Variants in RHOU observed in about 807,000 individuals in gnomAD.
RHOU encodes ras homolog family member U.
RHOU carries 8 observed loss-of-function variants against 12.6 expected under a neutral mutation model. The observed-to-expected ratio is 0.64, with a 90% CI of 0.37 to 1.15. RHOU has a LOEUF of 1.15. Among genes scored for constraint, RHOU ranks in the 50% most tolerant of loss-of-function variants. The probability of loss-of-function intolerance (pLI) is 0.01; values close to 1 mark genes in which losing one functional copy is unlikely to be tolerated. For synonymous variants in RHOU, 161 were observed against 147.4 expected (o/e 1.09, Z -0.67); for missense variants, 258 against 347.0 (o/e 0.74, Z 2.04).
chr1:228,717,875 C>T, the RHOU span, among the ~76,000 whole-genome samples: 1 of 152,184 alleles, frequency 6.6e-6, no homozygotes, highest in East Asian at 1.9e-4. Flanking sequence ...ATCAGAAGAA[C>T]TGGACACAAT....
chr1:228,676,653 A>C, the RHOU span, among the ~76,000 whole-genome samples: 1 of 152,180 alleles, frequency 6.6e-6, no homozygotes, highest in Non-Finnish European at 1.5e-5. Context: ...CTGAGTCTGA[A>C]AAGAGAGTCA....
chr1:228,680,447 C>T, the RHOU span, among the ~76,000 whole-genome samples: 1 of 152,122 alleles, frequency 6.6e-6, no homozygotes, highest in Non-Finnish European at 1.5e-5. Context: ...GGAGCTGTGG[C>T]TTGGATGTTC....
At position 228,735,727 on chromosome 1, in the gene RHOU, C is replaced by A; in HGVS notation, c.-16C>A. On this transcript the variant is annotated 5_prime_UTR_variant, in exon 1 of 3. Coordinates refer to ENST00000366691, the MANE Select transcript of RHOU (RefSeq NM_021205.6). The surrounding 1 kb of genome is among the most constrained non-coding windows in gnomAD (Gnocchi z 8.1). ...GCCCTGCTAGCCCGCGACCGCAAGC[C>A]CGCGCTCGCGGATCGATGCCCCCGC... is the stretch of plus-strand genomic sequence containing the variant. 8.3e-7 allele frequency: 1 copy of A among 1,202,804 alleles called. No homozygotes were observed. Among genetic ancestry groups the A allele is most frequent in the South Asian group, 4.1e-5 (1 of 24,108 alleles). 74.5% of individuals were successfully genotyped at this position (1,202,804 alleles called of 1,614,324 possible). A position where few individuals can be genotyped will look rare whatever the true frequency, so the allele number is the denominator to read the frequency against.
At chr1:228,692,023 A>G in the RHOU span, among the ~76,000 whole-genome samples, 1 of 152,230 alleles carries the variant, frequency 6.6e-6, no homozygotes, top group African/African-American at 2.4e-5. Flanking sequence ...GAGACCTTCA[A>G]AAATGCAGTG....
At chr1:228,707,536 C>T in the RHOU span, among the ~76,000 whole-genome samples, 3 of 151,800 alleles carry the variant, frequency 2.0e-5, no homozygotes, top group Admixed American at 1.3e-4. Flanking sequence ...AGGCACCCCC[C>T]AGCAGGGGCA....
chr1:228,730,229 C>T, the RHOU span, among the ~76,000 whole-genome samples: 1 of 152,196 alleles, frequency 6.6e-6, no homozygotes, highest in Non-Finnish European at 1.5e-5. Flanking sequence ...GTGCCTAACC[C>T]TGACCAGCTG....
At chr1:228,679,856 T>TG in the RHOU span, among the ~76,000 whole-genome samples, 1 of 151,648 alleles carries the variant, frequency 6.6e-6, no homozygotes, top group Non-Finnish European at 1.5e-5. Context: ...GGCTTTGAAC[T>TG]GGGGGAAAAG....
chr1:228,728,503 T>C, the RHOU span, among the ~76,000 whole-genome samples: 1 of 152,230 alleles, frequency 6.6e-6, no homozygotes, highest in African/African-American at 2.4e-5. Context: ...GGAAAAGCTT[T>C]GTATAAATAG....
chr1:228,699,085 G>GTT, the RHOU span, among the ~76,000 whole-genome samples: 1 of 142,746 alleles, frequency 7.0e-6, no homozygotes, highest in African/African-American at 2.7e-5. Context: ...GCTATGAAAA[G>GTT]TTTTTTTTTT....
chr1:228,693,523 G>A, the RHOU span, among the ~76,000 whole-genome samples: 3 of 152,112 alleles, frequency 2.0e-5, no homozygotes, highest in African/African-American at 7.2e-5. Context: ...CTGGAGCACA[G>A]TGGCGTGATC....
the RHOU span, among the ~76,000 whole-genome samples, chr1:228,705,834 A>G: frequency 6.6e-6 from 1 of 152,184 alleles, no homozygotes; most frequent in Admixed American, 6.5e-5. Flanking sequence ...ACCTGAGGTC[A>G]GGAGTTCGAG....
In RHOU at chr1:228,744,250, G is replaced by T. The variant is rs1002670206; in HGVS notation, c.*510G>T. On this transcript the variant is annotated 3_prime_UTR_variant, in exon 3 of 3. Coordinates refer to ENST00000366691, the MANE Select transcript of RHOU (RefSeq NM_021205.6). ...AAGGAGCAAAAATCTGAGAAAAAAA[G>T]TGAGAGACCTCTGCCTACAAAACCT... The T allele has an allele frequency of 2.6e-5, 4 of 152,468 alleles. No individual in the cohort carries two copies. The highest frequency in any genetic ancestry group is 9.7e-5 in the African/African-American group (4 of 41,412). The allele number at this position is 152,468 out of a possible 1,614,324, so 9.4% of individuals were successfully genotyped here.
the RHOU span, among the ~76,000 whole-genome samples, chr1:228,703,534 A>AAG: frequency 6.6e-6 from 1 of 151,696 alleles, no homozygotes; most frequent in Non-Finnish European, 1.5e-5. Flanking sequence ...TCTGAAAAAA[A>AAG]AAAAGTGTTT....
chr1:228,672,937 C>G, the RHOU span, among the ~76,000 whole-genome samples: 1 of 152,182 alleles, frequency 6.6e-6, no homozygotes, highest in East Asian at 1.9e-4. Context: ...CGATTTCCAC[C>G]TGTAATTGGG....
At chr1:228,682,976 C>T in the RHOU span, among the ~76,000 whole-genome samples, 5 of 152,132 alleles carry the variant, frequency 3.3e-5, 1 homozygote, top group African/African-American at 1.2e-4. Flanking sequence ...AGGCAAAAGG[C>T]AGCCCCATGA....
At chr1:228,734,876 G>A (rs1662559868), upstream of RHOU, among the ~76,000 whole-genome samples, 2 of 152,200 alleles carry the variant, frequency 1.3e-5, no homozygotes, top group South Asian at 4.1e-4. Flanking sequence ...CATGTATAAA[G>A]GTTCACGGCA....
At chr1:228,716,739 T>C in the RHOU span, among the ~76,000 whole-genome samples, 12 of 68,618 alleles carry the variant, frequency 1.7e-4, no homozygotes, top group South Asian at 1.1e-3. Context: ...TATATACATA[T>C]ACACACACAT....
the RHOU span, among the ~76,000 whole-genome samples, chr1:228,684,193 T>C: frequency 3.9e-5 from 6 of 151,968 alleles, no homozygotes; most frequent in African/African-American, 1.2e-4. Context: ...TGTGCCACCA[T>C]GATGGTCTAA....
At chr1:228,654,197 T>C in the RHOU span, among the ~76,000 whole-genome samples, 2,173 of 152,046 alleles carry the variant, frequency 0.014, 48 homozygotes, top group African/African-American at 0.05. Context: ...AGCCTTGAAC[T>C]CCTGGGTTCA....
Sources: allele counts gnomAD v4.1 joint callset (sites outside exome capture counted in the v4.1 genomes callset), GRCh38; gene constraint gnomAD v4.1.1; non-coding constraint Gnocchi (gnomAD v3.1); transcripts MANE v1.5; gene names NCBI Gene and HGNC (gene_info 2026-07-23, HGNC 2026-07-21).